ACBD6: variants seen among roughly 807,000 people sequenced by gnomAD.
The protein encoded by ACBD6 is acyl-CoA-binding domain-containing protein 6.
Under a neutral mutation model 37.2 loss-of-function variants are expected in ACBD6, and 28 were observed. The observed-to-expected ratio is 0.75, with a 90% confidence interval of 0.56 to 1.03. The LOEUF (loss-of-function observed/expected upper bound fraction) is 1.03, where lower values mean the gene tolerates loss of function less well. Ranked by LOEUF, ACBD6 falls within the 50% of genes least tolerant of loss-of-function variation. ACBD6 has a pLI of 0.00. For synonymous variants in ACBD6, 113 were observed against 126.8 expected, an observed-to-expected ratio of 0.89 and a Z score of 0.73; for missense variants, 340 against 337.4, an observed-to-expected ratio of 1.01 and a Z score of -0.06.
chr1:180,363,673 T>C (rs1251669516), intron 6 of ACBD6, among the ~76,000 whole-genome samples: 2 of 151,226 alleles, frequency 1.3e-5, no homozygotes, highest in Non-Finnish European at 2.9e-5. Context: ...GAGTTAACCT[T>C]GCCAATCAGA....
At chr1:180,433,967 G>A (rs1263041716) in intron 3 of ACBD6, among the ~76,000 whole-genome samples, 2 of 152,080 alleles carry the variant, frequency 1.3e-5, no homozygotes, top group Non-Finnish European at 2.9e-5. Context: ...CATGCCCAGA[G>A]AGATCATGAA....
intron 6 of ACBD6, among the ~76,000 whole-genome samples, chr1:180,369,039 A>G (rs1379908631): frequency 6.6e-6 from 1 of 152,228 alleles, no homozygotes; most frequent in African/African-American, 2.4e-5. Flanking sequence ...TCAGAAGTCT[A>G]ATCTAAAAAT....
rs560966974 is a variant in ACBD6 at position 180,455,130 on chromosome 1, T to G, written c.385-24868A>C. Among the ~76,000 whole-genome samples, 15 of 152,274 alleles carry G rather than the reference T, an allele frequency of 9.9e-5. 1 individual carries two copies. The East Asian group carries it at 1.5e-3, about 16-fold the overall frequency. On this transcript the variant is annotated intron_variant, in intron 3 of 7. Transcript: ENST00000367595. ...GACTTGGAACCAACTCAAATGCCCATCAGTGATAGACTGGATTAAGAAAAT... is the reference window on the plus strand; with the variant it reads ...GACTTGGAACCAACTCAAATGCCCAGCAGTGATAGACTGGATTAAGAAAAT...
chr1:180,322,262 C>T (rs1651103456), intron 6 of ACBD6, among the ~76,000 whole-genome samples: 1 of 151,996 alleles, frequency 6.6e-6, no homozygotes, highest in Non-Finnish European at 1.5e-5. Flanking sequence ...ATTTAGTTTG[C>T]TACTATTTTG....
intron 3 of ACBD6, among the ~76,000 whole-genome samples, chr1:180,474,335 T>C (rs1434195724): frequency 6.6e-6 from 1 of 152,164 alleles, no homozygotes; most frequent in Non-Finnish European, 1.5e-5. Context: ...GTGAAATTCA[T>C]ACTTGCTTTT....
intron 3 of ACBD6, among the ~76,000 whole-genome samples, chr1:180,459,453 C>A (rs1014080984): frequency 9.9e-5 from 15 of 152,182 alleles, no homozygotes; most frequent in Non-Finnish European, 1.6e-4. Flanking sequence ...AACTCACACA[C>A]ACCTAATGAA....
At position 180,430,195 on chromosome 1, in the gene ACBD6, T is replaced by G. The variant is rs1298842306; in HGVS notation, c.452A>C (p.His151Pro). The part of the protein sequence containing the change: ...FGGPVISSLY[H>P]EETIREEDKN... ...GAGAAATTACCTGATGGTTTCTTCA[T>G]GATATAGAGAACTAATAACTGGCCC... Residue 151 changes from histidine to proline, a missense_variant, in exon 4 of 8, where the codon CAT becomes CCT. Coordinates refer to ENST00000367595, the MANE Select transcript of ACBD6 (RefSeq NM_032360.4). 8 of 1,612,960 alleles carry G rather than the reference T, an allele frequency of 5.0e-6. 1 individual carries two copies. The Admixed American group carries it at 1.3e-4, about 27-fold the overall frequency.
chr1:180,359,760 CTT>C (rs976701467), intron 6 of ACBD6, among the ~76,000 whole-genome samples: 2 of 152,258 alleles, frequency 1.3e-5, no homozygotes, highest in African/African-American at 4.8e-5. Context: ...AAATCCCTCT[CTT>C]AGAATTTCTT....
exon 10 of ACBD6, chr1:180,274,790 A>C (rs1648926050): frequency 1.7e-6 from 1 of 584,076 alleles, no homozygotes; most frequent in Non-Finnish European, 3.0e-6. Context: ...TCATCTCAGA[A>C]CACAGCACAG....
chr1:180,438,182 A>C (rs1452383713), intron 3 of ACBD6: 1 of 152,584 alleles, frequency 6.6e-6, no homozygotes, highest in Non-Finnish European at 1.5e-5. Context: ...GATGATCTGA[A>C]GTCAAATGGT....
intron 4 of ACBD6, among the ~76,000 whole-genome samples, chr1:180,414,970 G>A (rs1385694897): frequency 2.0e-5 from 3 of 152,072 alleles, no homozygotes; most frequent in Non-Finnish European, 4.4e-5. Context: ...ACCATGTTTC[G>A]GGAGGCTGAG....
intron 6 of ACBD6, among the ~76,000 whole-genome samples, chr1:180,358,112 G>C (rs1652696580): frequency 1.3e-5 from 2 of 152,128 alleles, no homozygotes; most frequent in African/African-American, 2.4e-5. Flanking sequence ...TGCAACTTTA[G>C]ACTTCTATCA....
At chr1:180,274,066 G>T in exon 11 of ACBD6, 1 of 1,298,382 alleles carries the variant, frequency 7.7e-7, no homozygotes, top group South Asian at 1.2e-5. Flanking sequence ...ATGCTTGGCT[G>T]CAAGGCAGCT....
intron 3 of ACBD6, among the ~76,000 whole-genome samples, chr1:180,487,582 T>A (rs987500408): frequency 6.6e-6 from 1 of 152,100 alleles, no homozygotes; most frequent in Non-Finnish European, 1.5e-5. Flanking sequence ...ACCATTATTT[T>A]ACTTAATAAT....
At chr1:180,288,550 T>A in intron 7 of ACBD6, 33 bp from the exon 8 acceptor site, 5 of 1,598,696 alleles carry the variant, frequency 3.1e-6, no homozygotes, top group Non-Finnish European at 4.3e-6. Context: ...TGAAAACAAG[T>A]TTACCAAGAG....
chr1:180,466,893 G>A (rs1650368412), intron 3 of ACBD6, among the ~76,000 whole-genome samples: 1 of 151,910 alleles, frequency 6.6e-6, no homozygotes, highest in African/African-American at 2.4e-5. Flanking sequence ...TTAGAATAAT[G>A]CCCCAGTTTA....
intron 6 of ACBD6, among the ~76,000 whole-genome samples, chr1:180,352,194 TAAA>T (rs931385517): frequency 1.3e-5 from 2 of 152,224 alleles, no homozygotes; most frequent in African/African-American, 4.8e-5. Flanking sequence ...TTTGGGAAGA[TAAA>T]AAAGTTCTGG....
chr1:180,405,382 G>A (rs1255662221), intron 5 of ACBD6, among the ~76,000 whole-genome samples: 1 of 152,184 alleles, frequency 6.6e-6, no homozygotes, highest in East Asian at 1.9e-4. Flanking sequence ...ATAGACTACG[G>A]AAAATGGCTA....
downstream of ACBD6, chr1:180,287,468 C>T (rs1649542010): frequency 6.9e-6 from 1 of 145,922 alleles, no homozygotes; most frequent in Non-Finnish European, 1.5e-5. Context: ...AAAATGAGAG[C>T]ATACTTGTCT....
Sources: gnomAD v4.1 joint callset for allele counts (sites outside exome capture counted in the v4.1 genomes callset) on GRCh38, gnomAD v4.1.1 for gene constraint, MANE v1.5 for transcripts, NCBI Gene and HGNC (gene_info 2026-07-23, HGNC 2026-07-21) for gene names.